The following MED13L variants were observed in gnomAD, a reference collection of about 807,000 sequenced individuals.
The protein encoded by MED13L is mediator complex subunit 13L, also known as mediator of RNA polymerase II transcription subunit 13-like.
MED13L carries 7 observed loss-of-function variants against 220.9 expected under a neutral mutation model. That is an observed-to-expected ratio of 0.03 (90% CI 0.02 to 0.06). The LOEUF (loss-of-function observed/expected upper bound fraction) is 0.06, where lower values mean the gene tolerates loss of function less well. Among genes scored for constraint, MED13L ranks in the 10% least tolerant of loss-of-function variants. The pLI is 1.00. For synonymous variants in MED13L, 1,011 were observed against 1,015.2 expected, an observed-to-expected ratio of 1.00 and a Z score of 0.08; for missense variants, 1,965 against 2,760.5, an observed-to-expected ratio of 0.71 and a Z score of 6.46.
intron 4 of MED13L, among the ~76,000 whole-genome samples, chr12:116,038,178 T>C (rs1474468839): frequency 6.6e-6 from 1 of 152,124 alleles, no homozygotes; most frequent in Non-Finnish European, 1.5e-5. Context: ...AATTCTTTTT[T>C]TTTTTTTTAA....
At chr12:116,001,229 C>G (rs982468603) in intron 14 of MED13L, among the ~76,000 whole-genome samples, 1 of 152,088 alleles carries the variant, frequency 6.6e-6, no homozygotes, top group African/African-American at 2.4e-5. Flanking sequence ...TGGAGTCTTG[C>G]TCTGTCGCCG....
intron 1 of MED13L, among the ~76,000 whole-genome samples, chr12:116,258,777 G>GAAAAA (rs558738933): frequency 1.8e-5 from 1 of 56,106 alleles, no homozygotes; most frequent in Non-Finnish European, 4.6e-5. Flanking sequence ...CTCCATCTCA[G>GAAAAA]AAAAAAAAAA....
At chr12:116,276,358 T>C (rs1216980863) in intron 1 of MED13L, 1 of 632,806 alleles carries the variant, frequency 1.6e-6, no homozygotes, top group Non-Finnish European at 2.4e-6. Flanking sequence ...GTGTGCGGAT[T>C]CGTTGTTAGG....
intron 4 of MED13L, among the ~76,000 whole-genome samples, chr12:116,031,711 AAAAG>A (rs1880788091): frequency 1.5e-5 from 1 of 66,502 alleles, no homozygotes; most frequent in South Asian, 5.7e-4. Context: ...AAAAGAAAAG[AAAAG>A]AAAAGAAAAG....
intron 1 of MED13L, chr12:116,276,427 C>T (rs768025175): frequency 7.8e-7 from 1 of 1,287,982 alleles, no homozygotes; most frequent in South Asian, 1.2e-5. Flanking sequence ...AAGCTTTCTC[C>T]ACCTTCCGTC....
At chr12:116,060,064 G>A (rs1869311572) in intron 4 of MED13L, among the ~76,000 whole-genome samples, 1 of 152,124 alleles carries the variant, frequency 6.6e-6, no homozygotes, top group South Asian at 2.1e-4. Context: ...GCAGTATGCA[G>A]TTTCACTGCT....
At chr12:116,266,898 G>A (rs1169498135) in intron 1 of MED13L, among the ~76,000 whole-genome samples, 2 of 152,160 alleles carry the variant, frequency 1.3e-5, no homozygotes, top group Non-Finnish European at 2.9e-5. Flanking sequence ...TTTAGATACT[G>A]CCACATTATT....
chr12:116,248,233 T>G (rs1004988953), intron 1 of MED13L, among the ~76,000 whole-genome samples: 1 of 152,226 alleles, frequency 6.6e-6, no homozygotes, highest in Non-Finnish European at 1.5e-5. Flanking sequence ...AGTTATTTAG[T>G]CTTCTGTTAT....
intron 1 of MED13L, among the ~76,000 whole-genome samples, chr12:116,271,597 G>A (rs1873353705): frequency 6.7e-6 from 1 of 149,444 alleles, no homozygotes. Flanking sequence ...CTGCACTCCA[G>A]CCTGGGCCAC....
intron 1 of MED13L, among the ~76,000 whole-genome samples, chr12:116,243,576 A>C (rs1394412039): frequency 2.0e-5 from 3 of 152,088 alleles, no homozygotes; most frequent in Non-Finnish European, 4.4e-5. Context: ...CATACAATAT[A>C]CAGGAAATGA....
chr12:116,152,769 G>A (rs1303469359), intron 2 of MED13L, among the ~76,000 whole-genome samples: 1 of 152,070 alleles, frequency 6.6e-6, no homozygotes, highest in Non-Finnish European at 1.5e-5. Flanking sequence ...GCTAAAATAC[G>A]ATAGGTTATG....
At chr12:116,259,375 T>A (rs530657445) in intron 1 of MED13L, among the ~76,000 whole-genome samples, 1 of 152,320 alleles carries the variant, frequency 6.6e-6, no homozygotes, top group African/African-American at 2.4e-5. Flanking sequence ...ACTGTAGAAT[T>A]GTGGGAACAT....
chr12:115,972,328 T>A, intron 25 of MED13L, 92 bp from the exon 26 acceptor site: 1 of 1,499,028 alleles, frequency 6.7e-7, no homozygotes, highest in South Asian at 1.1e-5. Flanking sequence ...GGTAATTGAA[T>A]TTCCAAGGTT....
chr12:116,250,739 T>G (rs1871466859), intron 1 of MED13L, among the ~76,000 whole-genome samples: 1 of 136,532 alleles, frequency 7.3e-6, no homozygotes, highest in Admixed American at 8.1e-5. Flanking sequence ...ATCGCACCAC[T>G]GCACTCCAGC....
At chr12:116,121,832 T>C (rs1456487417) in intron 2 of MED13L, among the ~76,000 whole-genome samples, 1 of 152,172 alleles carries the variant, frequency 6.6e-6, no homozygotes, top group African/African-American at 2.4e-5. Context: ...GCAACGGCAT[T>C]GGCCACTGCA....
intron 14 of MED13L, among the ~76,000 whole-genome samples, chr12:115,998,650 T>C (rs1449193626): frequency 2.6e-5 from 4 of 152,168 alleles, no homozygotes; most frequent in African/African-American, 9.7e-5. Flanking sequence ...GAAGAAAAGG[T>C]GAGAACTTCT....
At chr12:115,978,296 T>TA (rs1877087317) in intron 23 of MED13L, among the ~76,000 whole-genome samples, 1 of 151,202 alleles carries the variant, frequency 6.6e-6, no homozygotes, top group African/African-American at 2.4e-5. Flanking sequence ...GTGGAAATAC[T>TA]AAAAACCACT....
intron 1 of MED13L, among the ~76,000 whole-genome samples, chr12:116,273,644 T>C (rs187520663): frequency 6.6e-6 from 1 of 152,342 alleles, no homozygotes. Context: ...TATGTACTAA[T>C]GGGTGTACTA....
intron 2 of MED13L, among the ~76,000 whole-genome samples, chr12:116,227,403 T>C (rs999524200): frequency 1.3e-5 from 2 of 152,234 alleles, no homozygotes; most frequent in East Asian, 3.8e-4. Flanking sequence ...CTGCATTTTT[T>C]ACAAATTTAA....
Sources: allele counts gnomAD v4.1 joint callset (sites outside exome capture counted in the v4.1 genomes callset), GRCh38; gene constraint gnomAD v4.1.1; transcripts MANE v1.5; gene names NCBI Gene and HGNC (gene_info 2026-07-23, HGNC 2026-07-21).